Variants in DLGAP2 observed in about 807,000 individuals in gnomAD.
DLGAP2 encodes DLG associated protein 2.
Under a neutral mutation model 100.3 loss-of-function variants are expected in DLGAP2, and 26 were observed. The ratio of observed to expected loss-of-function variants is 0.26; its 90% CI spans 0.19 to 0.36. The LOEUF is 0.36. Ranked by LOEUF, DLGAP2 falls within the 10% of genes least tolerant of loss-of-function variation. DLGAP2 has a pLI of 1.00. For synonymous variants in DLGAP2, 886 were observed against 630.1 expected (o/e 1.41, Z -6.08); for missense variants, 1,858 against 1,453.2 (o/e 1.28, Z -4.53).
intron 2 of DLGAP2, among the ~76,000 whole-genome samples, chr8:1,062,320 G>T (rs1024224270): frequency 6.6e-6 from 1 of 152,194 alleles, no homozygotes; most frequent in African/African-American, 2.4e-5. Flanking sequence ...GTGGCAGCCT[G>T]GTCCGGGCTG....
intron 2 of DLGAP2, among the ~76,000 whole-genome samples, chr8:1,208,620 CT>C (rs34999316): frequency 0.55 from 83,553 of 151,772 alleles, 25,248 homozygotes; most frequent in African/African-American, 0.81. Context: ...ACTAGAAGTC[CT>C]AGCCAGAGCA....
chr8:1,167,584 A>G (rs1156885952), intron 2 of DLGAP2, among the ~76,000 whole-genome samples: 2 of 152,208 alleles, frequency 1.3e-5, no homozygotes, highest in African/African-American at 4.8e-5. Context: ...TAAGTGGCCC[A>G]CATTGAGGTA....
intron 3 of DLGAP2, among the ~76,000 whole-genome samples, chr8:1,482,145 G>A (rs868221501): frequency 1.3e-5 from 2 of 152,386 alleles, no homozygotes; most frequent in South Asian, 4.1e-4. Flanking sequence ...GACGGTCTGG[G>A]AGGAATCACA....
intron 3 of DLGAP2, chr8:1,262,436 A>C (rs560254798): frequency 3.3e-5 from 5 of 152,284 alleles, no homozygotes; most frequent in African/African-American, 1.2e-4. Context: ...AGCCCAACTA[A>C]ATCCTTGAAA....
Position 834,777 on chromosome 8 carries a change from A to C in DLGAP2, c.19-73135A>C, listed in dbSNP as rs575558860. 3.9e-5 allele frequency among the ~76,000 whole-genome samples: 6 copies of C among 152,306 alleles called. No homozygotes were observed. The East Asian group carries it at 1.2e-3, about 29-fold the overall frequency. On this transcript the variant is annotated intron_variant, in intron 1 of 14. Transcript: ENST00000637795. ...GTACTATGCTTAGTACCTGGATGTC[A>C]GGATCATTTGTACCCCAAACCTCAG...
At chr8:1,135,640 C>A (rs767401027) in intron 2 of DLGAP2, among the ~76,000 whole-genome samples, 25 of 151,008 alleles carry the variant, frequency 1.7e-4, no homozygotes, top group Non-Finnish European at 3.1e-4. Context: ...TTCCTCACTG[C>A]CTTGCGGCAT....
chr8:998,448 G>T (rs1346525788), intron 2 of DLGAP2, among the ~76,000 whole-genome samples: 1 of 151,458 alleles, frequency 6.6e-6, no homozygotes, highest in Non-Finnish European at 1.5e-5. Context: ...CTACAGGTGT[G>T]AGCCACTATG....
chr8:935,350 G>T (rs1431032026), intron 2 of DLGAP2, among the ~76,000 whole-genome samples: 3 of 152,198 alleles, frequency 2.0e-5, no homozygotes, highest in Non-Finnish European at 4.4e-5. Flanking sequence ...CGGCTCCTCA[G>T]TCCAGAGGGT....
chr8:1,226,143 C>A (rs1239503997), intron 2 of DLGAP2, among the ~76,000 whole-genome samples: 1 of 152,046 alleles, frequency 6.6e-6, no homozygotes, highest in Non-Finnish European at 1.5e-5. Context: ...TCAGTTTAAA[C>A]CATGGGCATT....
chr8:1,325,413 C>A (rs537306995), intron 3 of DLGAP2, among the ~76,000 whole-genome samples: 1 of 152,222 alleles, frequency 6.6e-6, no homozygotes, highest in South Asian at 2.1e-4. Context: ...TGTGGTCCCC[C>A]GACCCTGCAG....
intron 8 of DLGAP2, among the ~76,000 whole-genome samples, chr8:1,662,063 C>T (rs1354154712): frequency 6.6e-6 from 1 of 152,228 alleles, no homozygotes; most frequent in South Asian, 2.1e-4. Flanking sequence ...AGGGCTGCCG[C>T]AAAGGGTCTT....
At chr8:888,821 G>A (rs1223661190) in intron 1 of DLGAP2, among the ~76,000 whole-genome samples, 1 of 152,162 alleles carries the variant, frequency 6.6e-6, no homozygotes, top group Non-Finnish European at 1.5e-5. Flanking sequence ...TGTACAGGGT[G>A]TGTGACAACC....
intron 6 of DLGAP2, among the ~76,000 whole-genome samples, chr8:1,572,740 G>A (rs1284557753): frequency 9.0e-5 from 8 of 88,880 alleles, no homozygotes; most frequent in Admixed American, 2.2e-4. Flanking sequence ...GGTGAACTGT[G>A]GGGGCGTCTG....
At chr8:925,094 A>G (rs1011124615) in intron 2 of DLGAP2, among the ~76,000 whole-genome samples, 46 of 152,078 alleles carry the variant, frequency 3.0e-4, no homozygotes, top group African/African-American at 1.1e-3. Flanking sequence ...TAATGGTGAA[A>G]GTGTAGGTGC....
intron 4 of DLGAP2, among the ~76,000 whole-genome samples, chr8:1,519,622 T>G (rs1212549561): frequency 6.6e-6 from 1 of 152,232 alleles, no homozygotes; most frequent in African/African-American, 2.4e-5. Context: ...ACCTTCCCCA[T>G]GGACACCACC....
intron 6 of DLGAP2, among the ~76,000 whole-genome samples, chr8:1,587,682 TA>T (rs1796166377): frequency 6.6e-6 from 1 of 152,216 alleles, no homozygotes; most frequent in African/African-American, 2.4e-5. Context: ...GGGTTACTAT[TA>T]AAAATATAGC....
intron 3 of DLGAP2, among the ~76,000 whole-genome samples, chr8:1,265,732 G>C (rs1799437280): frequency 6.6e-6 from 1 of 152,194 alleles, no homozygotes; most frequent in Admixed American, 6.5e-5. Flanking sequence ...ATTTTCAGGA[G>C]AGTTTTCGTA....
chr8:1,623,602 A>T (rs1585006750), intron 6 of DLGAP2, among the ~76,000 whole-genome samples: 1 of 151,294 alleles, frequency 6.6e-6, no homozygotes, highest in Middle Eastern at 3.5e-3. Flanking sequence ...ATGACCTGGC[A>T]CCAGTGTGCG....
intron 6 of DLGAP2, among the ~76,000 whole-genome samples, chr8:1,604,094 C>A (rs1796717827): frequency 1.3e-5 from 2 of 152,122 alleles, no homozygotes; most frequent in South Asian, 4.1e-4. Flanking sequence ...AGTGAACAGG[C>A]ACAAAGATGA....
Sources: gnomAD v4.1 joint callset for allele counts (sites outside exome capture counted in the v4.1 genomes callset) on GRCh38, gnomAD v4.1.1 for gene constraint, MANE v1.5 for transcripts, NCBI Gene and HGNC (gene_info 2026-07-23, HGNC 2026-07-21) for gene names.